The following RARB variants were observed in gnomAD, a reference collection of about 807,000 sequenced individuals.
RARB encodes the protein retinoic acid receptor beta.
Under a neutral mutation model 51.9 loss-of-function variants are expected in RARB, and 17 were observed. The ratio of observed to expected loss-of-function variants is 0.33; its 90% confidence interval spans 0.22 to 0.49. RARB has a LOEUF of 0.49. RARB is among the 20% of genes least tolerant of loss of function. The pLI is 0.99. For synonymous variants in RARB, 215 were observed against 195.4 expected (o/e 1.10, Z -0.84); for missense variants, 369 against 550.8 (o/e 0.67, Z 3.30).
At chr3:25,298,156 G>A (rs2164478) in intron 5 of RARB, among the ~76,000 whole-genome samples, 84,268 of 151,112 alleles carry the variant, frequency 0.56, 24,047 homozygotes, top group East Asian at 0.87. Context: ...AAACACTCAC[G>A]TAATTTTATT....
intron 3 of RARB, among the ~76,000 whole-genome samples, chr3:25,061,918 A>G (rs964666916): frequency 6.6e-6 from 1 of 151,846 alleles, no homozygotes; most frequent in African/African-American, 2.4e-5. Context: ...CACTGGCATA[A>G]GAGTAAAGAA....
At chr3:25,036,451 CA>C (rs1278750804) in intron 2 of RARB, among the ~76,000 whole-genome samples, 1 of 152,184 alleles carries the variant, frequency 6.6e-6, no homozygotes, top group African/African-American at 2.4e-5. Context: ...GGAAAAGAAA[CA>C]ACTAGACTAA....
In RARB at chr3:24,920,194, C is replaced by T. The variant is rs145196167; in HGVS notation, c.-380+61442C>T. Among the ~76,000 whole-genome samples the T allele has an allele frequency of 4.8e-3, 735 of 152,248 alleles. 6 individuals are homozygous for T. Among genetic ancestry groups the T allele is most frequent in the African/African-American group, 0.016 (667 of 41,554 alleles). ...CTTTTAATTTGGCAATTAGCAGCACCATTTGCATACAAATAATGTGTTGAA... is the reference window on the plus strand; with the variant it reads ...CTTTTAATTTGGCAATTAGCAGCACTATTTGCATACAAATAATGTGTTGAA... On this transcript the variant is annotated intron_variant, in intron 2 of 11. Coordinates refer to the RARB transcript ENST00000383772.
intron 4 of RARB, among the ~76,000 whole-genome samples, chr3:25,135,266 TTTAAC>T (rs1700015151): frequency 6.6e-6 from 1 of 152,018 alleles, no homozygotes. Context: ...TTAATTAAAG[TTTAAC>T]TTTAGTTTCA....
At chr3:24,844,165 G>A (rs886290519) in intron 1 of RARB, among the ~76,000 whole-genome samples, 2 of 152,194 alleles carry the variant, frequency 1.3e-5, no homozygotes, top group African/African-American at 4.8e-5. Flanking sequence ...TTGCCAGGAG[G>A]CATTACCCTT....
At position 25,569,787 on chromosome 3, in the gene RARB, A is replaced by C. The variant is rs1384869760; in HGVS notation, c.478A>C (p.Lys160Gln). Residue 160 changes from lysine (K) to glutamine (Q), a missense_variant, in exon 4 of 8, where the codon AAG becomes CAG. Physicochemically the swap from Lys to Gln is moderately conservative, Grantham distance 53 (BLOSUM62 1). This residue lies in a region of RARB where 46 missense variants were observed against 43.2 expected (regional missense o/e 1.07). Coordinates refer to ENST00000330688, the MANE Select transcript of RARB (RefSeq NM_000965.5). ...SVRNDRNKKK[K>Q]ETSKQECTES... ...CAGGAATGACAGGAACAAGAAAAAGAAGGAGACTTCGAAGCAAGAATGCAC... is the reference window on the plus strand; with the variant it reads ...CAGGAATGACAGGAACAAGAAAAAGCAGGAGACTTCGAAGCAAGAATGCAC... 6.2e-7 allele frequency: 1 copy of C among 1,614,052 alleles called. No homozygotes were observed. The highest frequency in any genetic ancestry group is 1.3e-5 in the African/African-American group (1 of 74,942).
At chr3:25,005,093 A>G (rs1035794127) in intron 2 of RARB, among the ~76,000 whole-genome samples, 4 of 152,144 alleles carry the variant, frequency 2.6e-5, no homozygotes, top group Non-Finnish European at 5.9e-5. Context: ...GTTAGATACC[A>G]TACATACATA....
At chr3:24,918,676 A>G (rs1036998256) in intron 2 of RARB, among the ~76,000 whole-genome samples, 1 of 152,194 alleles carries the variant, frequency 6.6e-6, no homozygotes, top group African/African-American at 2.4e-5. Flanking sequence ...TGAAGTCAGG[A>G]GTTCAAGACC....
intron 4 of RARB, among the ~76,000 whole-genome samples, chr3:25,139,423 T>G (rs1700077707): frequency 6.6e-6 from 1 of 152,152 alleles, no homozygotes; most frequent in Non-Finnish European, 1.5e-5. Flanking sequence ...GGAGAAAGTT[T>G]TAGTGGTGTG....
chr3:25,008,257 C>T (rs1316696857), intron 2 of RARB, among the ~76,000 whole-genome samples: 1 of 152,076 alleles, frequency 6.6e-6, no homozygotes, highest in Admixed American at 6.5e-5. Context: ...ACAACAAGCC[C>T]TGCTACTCTC....
At chr3:25,504,317 A>C (rs1439097571) in intron 3 of RARB, among the ~76,000 whole-genome samples, 1 of 152,208 alleles carries the variant, frequency 6.6e-6, no homozygotes, top group South Asian at 2.1e-4. Flanking sequence ...CTGTTAATCT[A>C]TTGACCCAGC....
intron 5 of RARB, among the ~76,000 whole-genome samples, chr3:25,371,793 G>A (rs1454282209): frequency 5.9e-5 from 9 of 152,184 alleles, no homozygotes; most frequent in Non-Finnish European, 7.3e-5. Context: ...TTCCCAGCTC[G>A]CAGGAGCTAA....
intron 5 of RARB, among the ~76,000 whole-genome samples, chr3:25,255,351 T>C (rs985979535): frequency 6.6e-6 from 1 of 152,178 alleles, no homozygotes; most frequent in Admixed American, 6.5e-5. Context: ...ATGAAAACAA[T>C]TTCCCTCATA....
At chr3:25,039,696 A>G (rs1216720322) in intron 2 of RARB, among the ~76,000 whole-genome samples, 1 of 152,222 alleles carries the variant, frequency 6.6e-6, no homozygotes, top group Non-Finnish European at 1.5e-5. Flanking sequence ...CTTTTATTGT[A>G]ATAAATTTGG....
At chr3:25,261,733 C>T (rs922634799) in intron 5 of RARB, among the ~76,000 whole-genome samples, 2 of 152,090 alleles carry the variant, frequency 1.3e-5, no homozygotes, top group Admixed American at 6.6e-5. Context: ...TCGAGGGCAC[C>T]TTCATCTCCC....
At chr3:25,431,129 A>G (rs906015489) in intron 1 of RARB, among the ~76,000 whole-genome samples, 4 of 151,970 alleles carry the variant, frequency 2.6e-5, no homozygotes, top group African/African-American at 9.7e-5. Context: ...CATAACCACA[A>G]CCTTTTCCAT....
intron 5 of RARB, among the ~76,000 whole-genome samples, chr3:25,311,128 C>T (rs17016172): frequency 0.04 from 6,103 of 152,186 alleles, 167 homozygotes; most frequent in Middle Eastern, 0.068. Flanking sequence ...TAGAGGGTGT[C>T]GGGTTTGTGC....
At chr3:25,157,263 A>T (rs1700390873) in intron 4 of RARB, among the ~76,000 whole-genome samples, 1 of 152,264 alleles carries the variant, frequency 6.6e-6, no homozygotes, top group African/African-American at 2.4e-5. Flanking sequence ...TCATGGAGTC[A>T]ACAATATTAA....
chr3:25,086,642 A>G (rs1278638140), intron 3 of RARB, among the ~76,000 whole-genome samples: 1 of 152,138 alleles, frequency 6.6e-6, no homozygotes, highest in African/African-American at 2.4e-5. Flanking sequence ...ATCAACCAAT[A>G]CATGTAAGAT....
Sources: allele counts gnomAD v4.1 joint callset (sites outside exome capture counted in the v4.1 genomes callset), GRCh38; gene constraint gnomAD v4.1.1; regional missense constraint gnomAD v4.1.1; transcripts MANE v1.5; gene names NCBI Gene and HGNC (gene_info 2026-07-23, HGNC 2026-07-21).